CIMAP1D: variants seen among roughly 807,000 people sequenced by gnomAD.
CIMAP1D encodes CIMAP1 family member D, also known as protein CIMAP1D.
the CIMAP1D span, among the ~76,000 whole-genome samples, chr19:485,924 C>T: frequency 6.6e-6 from 1 of 151,808 alleles, no homozygotes; most frequent in East Asian, 2.0e-4. Flanking sequence ...TGTCCTTTGT[C>T]CGGCGGCCAG....
chr19:463,805 C>A, the CIMAP1D span: 1 of 1,468,338 alleles, frequency 6.8e-7, no homozygotes, highest in Non-Finnish European at 8.9e-7. Flanking sequence ...AGGAGAGGCC[C>A]GCCAGCCCCC....
At chr19:475,425 G>C in the CIMAP1D span, among the ~76,000 whole-genome samples, 6 of 152,306 alleles carry the variant, frequency 3.9e-5, no homozygotes, top group South Asian at 1.2e-3. Context: ...ACACAGTCTG[G>C]TGTATGAGGA....
the CIMAP1D span, among the ~76,000 whole-genome samples, chr19:480,546 GGATGATGGAGAAC>G: frequency 1.5e-3 from 149 of 100,538 alleles, no homozygotes; most frequent in African/African-American, 3.3e-3. Context: ...TGATGGGGAA[GGATGATGGAGAAC>G]GATGATGGAG....
chr19:463,808 C>A, the CIMAP1D span: 16 of 1,475,114 alleles, frequency 1.1e-5, no homozygotes, highest in South Asian at 1.9e-4. Flanking sequence ...AGAGGCCCGC[C>A]AGCCCCCCGT....
the CIMAP1D span, among the ~76,000 whole-genome samples, chr19:473,702 A>G: frequency 6.7e-4 from 72 of 106,988 alleles, no homozygotes; most frequent in East Asian, 1.2e-3. Context: ...CAGATGGGGA[A>G]ACTGAGGCCC....
chr19:479,021 T>C, the CIMAP1D span, among the ~76,000 whole-genome samples: 54 of 152,304 alleles, frequency 3.5e-4, no homozygotes, highest in Middle Eastern at 6.8e-3. Flanking sequence ...CGTCGCGCTA[T>C]GGAGGAAACG....
At chr19:469,896 C>A in the CIMAP1D span, among the ~76,000 whole-genome samples, 29 of 152,224 alleles carry the variant, frequency 1.9e-4, 1 homozygote, top group South Asian at 6.0e-3. Context: ...CTGCCCTCCC[C>A]AACCCCTGGC....
the CIMAP1D span, among the ~76,000 whole-genome samples, chr19:480,488 T>C: frequency 2.4e-5 from 3 of 123,612 alleles, no homozygotes; most frequent in Non-Finnish European, 4.8e-5. Context: ...GGAAGGATGA[T>C]GGTAAGGATG....
chr19:486,436 T>C, the CIMAP1D span, among the ~76,000 whole-genome samples: 43 of 151,780 alleles, frequency 2.8e-4, no homozygotes, highest in Admixed American at 1.2e-3. Flanking sequence ...GATTGATTGA[T>C]TTTTTGTTTC....
chr19:479,150 T>C, the CIMAP1D span, among the ~76,000 whole-genome samples: 1 of 152,172 alleles, frequency 6.6e-6, no homozygotes, highest in Admixed American at 6.5e-5. Flanking sequence ...GTTGGCAAAC[T>C]GACAAACTGC....
the CIMAP1D span, among the ~76,000 whole-genome samples, chr19:465,842 G>A: frequency 1.5e-5 from 2 of 129,420 alleles, no homozygotes; most frequent in African/African-American, 5.7e-5. Context: ...GTGGATGGAT[G>A]TGTGGATAGA....
chr19:471,635 C>T, the CIMAP1D span, among the ~76,000 whole-genome samples: 1 of 152,008 alleles, frequency 6.6e-6, no homozygotes, highest in Non-Finnish European at 1.5e-5. Context: ...AGCATTTAAT[C>T]CTCACTTAAT....
chr19:466,801 TTGGG>T, the CIMAP1D span, among the ~76,000 whole-genome samples: 1 of 75,694 alleles, frequency 1.3e-5, no homozygotes, highest in Non-Finnish European at 2.4e-5. Context: ...GGGTAGATGG[TTGGG>T]TGGATGGTGG....
the CIMAP1D span, among the ~76,000 whole-genome samples, chr19:485,181 C>T: frequency 6.6e-6 from 1 of 152,148 alleles, no homozygotes; most frequent in Non-Finnish European, 1.5e-5. Context: ...GGGTCATTGC[C>T]GTGCTCTACC....
At chr19:474,597 C>T in the CIMAP1D span, 1 of 1,492,242 alleles carries the variant, frequency 6.7e-7, no homozygotes, top group Non-Finnish European at 9.0e-7. Flanking sequence ...AAGGTCCCAC[C>T]CATCCCCCAC....
chr19:469,012 T>G, the CIMAP1D span, among the ~76,000 whole-genome samples: 1 of 151,892 alleles, frequency 6.6e-6, no homozygotes, highest in African/African-American at 2.4e-5. Flanking sequence ...CAGACACGGC[T>G]CCAGACCTCC....
chr19:476,761 A>T, the CIMAP1D span, among the ~76,000 whole-genome samples: 1 of 152,224 alleles, frequency 6.6e-6, no homozygotes, highest in South Asian at 2.1e-4. Flanking sequence ...GTTAAACAAC[A>T]TACTTCTGAA....
chr19:486,046 C>T, the CIMAP1D span, among the ~76,000 whole-genome samples: 574 of 152,350 alleles, frequency 3.8e-3, 4 homozygotes, highest in Non-Finnish European at 6.2e-3. Flanking sequence ...TGCCAGCTCC[C>T]CTCCATCCTC....
At chr19:472,457 T>G in the CIMAP1D span, 3 of 1,547,382 alleles carry the variant, frequency 1.9e-6, no homozygotes, top group Non-Finnish European at 2.6e-6. Context: ...TCGTGGTTGA[T>G]GAAGCCCACG....
Sources: allele counts gnomAD v4.1 joint callset (sites outside exome capture counted in the v4.1 genomes callset), GRCh38; gene constraint gnomAD v4.1.1; transcripts MANE v1.5; gene names NCBI Gene and HGNC (gene_info 2026-07-23, HGNC 2026-07-21).